The following RIPOR2 variants were observed in gnomAD, a reference collection of about 807,000 sequenced individuals.
RIPOR2 encodes rho family-interacting cell polarization regulator 2.
RIPOR2 carries 39 observed loss-of-function variants against 114.5 expected under a neutral mutation model. That is an observed-to-expected ratio of 0.34 (90% CI 0.26 to 0.44). The LOEUF (loss-of-function observed/expected upper bound fraction) is 0.44. RIPOR2 is among the 20% of genes least tolerant of loss of function. The pLI is 1.00. For missense variants in RIPOR2, 1,007 were observed against 1,255.1 expected, an observed-to-expected ratio of 0.80 and a Z score of 2.99; for synonymous variants, 445 against 484.4, an observed-to-expected ratio of 0.92 and a Z score of 1.07.
At position 25,025,500 on chromosome 6, in the gene RIPOR2, A is replaced by G. The variant is rs980460030; in HGVS notation, c.76+16351T>C. Among the ~76,000 whole-genome samples, 4 of 152,152 alleles carry G rather than the reference A, an allele frequency of 2.6e-5. No homozygotes were observed. In the South Asian group the frequency reaches 8.3e-4, roughly 32 times the overall value. ...CTTTAAAAAAAAATGACAGTGACAG[A>G]TAAAGAAGTTTACCCTCACCCCCTC... On this transcript the variant is annotated intron_variant, in intron 1 of 13. Coordinates refer to the RIPOR2 transcript ENST00000510784.
At position 24,875,703 on chromosome 6, in the gene RIPOR2, T is replaced by G; in HGVS notation, c.176A>C (p.Glu59Ala). The G allele has an allele frequency of 6.2e-7, 1 of 1,613,234 alleles. No individual in the cohort carries two copies. The highest frequency in any genetic ancestry group is 8.5e-7 in the Non-Finnish European group (1 of 1,179,644). ...ACACAGTACTTGCCTGGATCGCCTTTCCTGGAGGCCGCTGAAACCCGCAAA... is the reference window on the plus strand; with the variant it reads ...ACACAGTACTTGCCTGGATCGCCTTGCCTGGAGGCCGCTGAAACCCGCAAA... ...QSFAGFSGLQ[E>A]RRSRCNSFIE... The change falls in exon 2 of 22, where the codon GAA becomes GCA. Residue 59 changes from glutamate (E) to alanine (A), a missense_variant. Coordinates refer to ENST00000643898, the MANE Select transcript of RIPOR2 (RefSeq NM_001286445.3).
intron 1 of RIPOR2, among the ~76,000 whole-genome samples, chr6:24,915,124 C>G (rs2114085842): frequency 6.6e-6 from 1 of 152,280 alleles, no homozygotes; most frequent in East Asian, 1.9e-4. Flanking sequence ...TGTGATGCTT[C>G]TTATCCATAG....
chr6:24,926,915 CCAT>C lies in RIPOR2; in HGVS notation c.61+8920_61+8922del, dbSNP rs201594751. 6.8e-3 allele frequency among the ~76,000 whole-genome samples: 1,028 copies of C among 151,340 alleles called. 5 individuals carry two copies. Among genetic ancestry groups the C allele is most frequent in the African/African-American group, 0.021 (881 of 41,098 alleles). Reference sequence around the variant, plus strand: ...TTCACCATTACCATCATCACCACCACCATCATCATCACCACCACCACCATGATT... The same window carrying C: ...TTCACCATTACCATCATCACCACCACCATCATCACCACCACCACCATGATT... On this transcript the variant is annotated intron_variant, in intron 1 of 21. Transcript: ENST00000643898.
chr6:25,008,263 G>A (rs574046209), intron 1 of RIPOR2, among the ~76,000 whole-genome samples: 8 of 152,008 alleles, frequency 5.3e-5, no homozygotes, highest in Admixed American at 4.6e-4. Context: ...TGAGACACCC[G>A]CCTCGGCCTC....
intron 1 of RIPOR2, among the ~76,000 whole-genome samples, chr6:25,020,591 A>C (rs1255316231): frequency 6.6e-6 from 1 of 152,192 alleles, no homozygotes; most frequent in African/African-American, 2.4e-5. Flanking sequence ...GATACTGGCA[A>C]TTTCTGATTT....
At chr6:25,030,007 G>A (rs1776843440) in intron 1 of RIPOR2, among the ~76,000 whole-genome samples, 1 of 151,920 alleles carries the variant, frequency 6.6e-6, no homozygotes, top group Non-Finnish European at 1.5e-5. Flanking sequence ...TTCAAACCTA[G>A]TGGGACTCGT....
rs1479863971 is a variant in RIPOR2 at position 25,014,203 on chromosome 6, G to A, written c.76+27648C>T. ...TTTACAGATGAGGGAACTGAAATCC[G>A]TGAGCTTTAAACCGCTTGCTTGAAG... On this transcript the variant is annotated intron_variant, in intron 1 of 13. Coordinates refer to the RIPOR2 transcript ENST00000510784. Among the ~76,000 whole-genome samples, 4 of 152,318 alleles carry A rather than the reference G, an allele frequency of 2.6e-5. No individual in the cohort carries two copies. In the South Asian group the frequency reaches 6.2e-4, roughly 24 times the overall value.
intron 1 of RIPOR2, among the ~76,000 whole-genome samples, chr6:25,036,198 G>A (rs1182813166): frequency 6.6e-6 from 1 of 151,976 alleles, no homozygotes; most frequent in Non-Finnish European, 1.5e-5. Context: ...ATTGACACTG[G>A]GAGGAAGTCG....
Position 24,806,479 on chromosome 6 carries a change from T to C in RIPOR2, c.3044-6A>G, listed in dbSNP as rs543575710. ...TGCCAGCCGCCCATCTTCTCCTAAA[T>C]ACAGAACATTAAACATGAATACCAA... On this transcript the variant is annotated splice_polypyrimidine_tract_variant and splice_region_variant and intron_variant, in intron 21 of 21. Coordinates refer to ENST00000643898, the MANE Select transcript of RIPOR2 (RefSeq NM_001286445.3). The C allele has an allele frequency of 2.5e-5, 38 of 1,537,102 alleles. No individual in the cohort carries two copies. In the African/African-American group the frequency reaches 4.6e-4, roughly 18 times the overall value.
chr6:24,952,204 G>T (rs529037862), intron 1 of RIPOR2, among the ~76,000 whole-genome samples: 1 of 152,168 alleles, frequency 6.6e-6, no homozygotes, highest in Non-Finnish European at 1.5e-5. Context: ...AAGGTAAAGC[G>T]CAGAATAGTA....
chr6:24,939,375 G>A (rs1771992364), upstream of RIPOR2, among the ~76,000 whole-genome samples: 2 of 152,164 alleles, frequency 1.3e-5, no homozygotes, highest in South Asian at 4.1e-4. Flanking sequence ...ATTGTGGGAA[G>A]GTAACTAGGA....
chr6:25,036,456 A>G (rs1361472627), intron 1 of RIPOR2, among the ~76,000 whole-genome samples: 1 of 152,100 alleles, frequency 6.6e-6, no homozygotes, highest in Admixed American at 6.5e-5. Context: ...CAGTGGCATG[A>G]TCATAGCTCA....
At chr6:24,819,777 A>G (rs1759514638) in intron 19 of RIPOR2, among the ~76,000 whole-genome samples, 1 of 150,714 alleles carries the variant, frequency 6.6e-6, no homozygotes, top group Non-Finnish European at 1.5e-5. Context: ...TTGGGATTAC[A>G]GGCGTGAGCT....
intron 1 of RIPOR2, among the ~76,000 whole-genome samples, chr6:24,930,040 A>G (rs1237476772): frequency 2.0e-5 from 3 of 152,344 alleles, no homozygotes; most frequent in East Asian, 1.9e-4. Flanking sequence ...ACACCACTGC[A>G]CTTCAGCCTG....
At position 24,805,692 on chromosome 6, in the gene RIPOR2, T is replaced by C. The variant is rs1372385658; in HGVS notation, c.*681A>G. On this transcript the variant is annotated 3_prime_UTR_variant, in exon 22 of 22. Transcript: ENST00000643898. ...CACGACCGAGAAAAACTGCAAGGCA[T>C]ATGATGTTTGTCGAAGTATCACATG... 6.6e-6 allele frequency: 1 copy of C among 152,186 alleles called. No individual in the cohort carries two copies. The highest frequency in any genetic ancestry group is 1.5e-5 in the Non-Finnish European group (1 of 68,028). 9.4% of individuals were successfully genotyped at this position (152,186 alleles called of 1,614,324 possible).
chr6:24,897,248 G>A lies in RIPOR2; in HGVS notation c.62-21431C>T, dbSNP rs572696308. 2.6e-4 allele frequency among the ~76,000 whole-genome samples: 39 copies of A among 152,228 alleles called. 2 individuals are homozygous for A. The highest frequency in any genetic ancestry group is 6.8e-3 in the Middle Eastern group (2 of 294). On this transcript the variant is annotated intron_variant, in intron 1 of 21. Coordinates refer to ENST00000643898, the MANE Select transcript of RIPOR2 (RefSeq NM_001286445.3). ...AGGCATTCACTTAAGAGTGTATTTC[G>A]ATTCCTAGGAGGGCCAGAATTTTTT...
intron 1 of RIPOR2, among the ~76,000 whole-genome samples, chr6:24,900,141 A>C (rs558040102): frequency 1.3e-5 from 2 of 152,232 alleles, no homozygotes; most frequent in South Asian, 4.1e-4. Flanking sequence ...ATGTGGGAGA[A>C]CTCGGGCTTT....
intron 19 of RIPOR2, among the ~76,000 whole-genome samples, chr6:24,820,893 G>C (rs1002233087): frequency 1.0e-4 from 2 of 19,304 alleles, no homozygotes; most frequent in African/African-American, 3.9e-4. Context: ...TTTTTTTTTT[G>C]AGAGAGTCTC....
intron 8 of RIPOR2, among the ~76,000 whole-genome samples, chr6:24,854,699 GA>G (rs199706657): frequency 0.013 from 2,010 of 151,726 alleles, 42 homozygotes; most frequent in African/African-American, 0.046. Context: ...TTTTTTGAAG[GA>G]AAAAAAATAA....
Sources: gnomAD v4.1 joint callset for allele counts (sites outside exome capture counted in the v4.1 genomes callset) on GRCh38, gnomAD v4.1.1 for gene constraint, MANE v1.5 for transcripts, NCBI Gene and HGNC (gene_info 2026-07-23, HGNC 2026-07-21) for gene names.